Variants in ADAMTSL1 observed in about 807,000 individuals in gnomAD.
The protein encoded by ADAMTSL1 is ADAMTS-like protein 1.
In ADAMTSL1, 126 loss-of-function variants were observed where a neutral mutation model predicts 201.8. The observed-to-expected ratio is 0.62, with a 90% confidence interval of 0.54 to 0.72. The LOEUF (loss-of-function observed/expected upper bound fraction) is 0.72. Ranked by LOEUF, ADAMTSL1 falls within the 30% of genes least tolerant of loss-of-function variation. The pLI, the probability that ADAMTSL1 is intolerant of heterozygous loss-of-function variation, is 0.00. For missense variants in ADAMTSL1, 2,679 were observed against 2,277.8 expected (o/e 1.18, Z -3.59); for synonymous variants, 1,121 against 903.4 (o/e 1.24, Z -4.32).
At chr9:17,912,113 CT>C (rs1825915602) in intron 1 of ADAMTSL1, among the ~76,000 whole-genome samples, 1 of 50,274 alleles carries the variant, frequency 2.0e-5, no homozygotes, top group Non-Finnish European at 6.6e-5. Context: ...GGTTCCAAGT[CT>C]TTGCTGTTGT....
chr9:18,710,669 TTG>T lies in ADAMTSL1; in HGVS notation c.1876+3623_1876+3624del, dbSNP rs764345143. Among the ~76,000 whole-genome samples, 240 of 143,514 alleles carry T rather than the reference TTG, an allele frequency of 1.7e-3. 26 individuals are homozygous for T. The highest frequency in any genetic ancestry group is 3.6e-3 in the Middle Eastern group (1 of 278). 94.2% of individuals were successfully genotyped at this position (143,514 alleles called of 152,430 possible). A position where few individuals can be genotyped will look rare whatever the true frequency, so the allele number is the denominator to read the frequency against. On this transcript the variant is annotated intron_variant, in intron 14 of 28. Coordinates refer to ENST00000380548, the MANE Select transcript of ADAMTSL1 (RefSeq NM_001040272.6). ...GTCTTAGAAGGGCCTAAGTTTTGTT[TTG>T]TTTTTTTTTTTTTTTTTTTACAAAA...
At chr9:18,328,642 A>G (rs1176140916) in intron 2 of ADAMTSL1, among the ~76,000 whole-genome samples, 1 of 152,222 alleles carries the variant, frequency 6.6e-6, no homozygotes, top group Non-Finnish European at 1.5e-5. Flanking sequence ...GCCTTAATCC[A>G]TACACTGTGC....
At chr9:18,793,488 C>T (rs1822180205) in intron 19 of ADAMTSL1, among the ~76,000 whole-genome samples, 2 of 152,130 alleles carry the variant, frequency 1.3e-5, no homozygotes, top group South Asian at 4.2e-4. Context: ...TTAATCTTAC[C>T]ACAGAGTCTT....
At chr9:18,283,667 C>T (rs1244127342) in intron 2 of ADAMTSL1, among the ~76,000 whole-genome samples, 2 of 144,016 alleles carry the variant, frequency 1.4e-5, no homozygotes, top group African/African-American at 5.2e-5. Flanking sequence ...AATCCTAGCA[C>T]TTTGGGAGAC....
In ADAMTSL1 at chr9:18,486,511, C is replaced by T. The variant is rs12344921; in HGVS notation, c.63+12216C>T. 5.3e-3 allele frequency among the ~76,000 whole-genome samples: 811 copies of T among 152,254 alleles called. 9 individuals are homozygous for T. Among genetic ancestry groups the T allele is most frequent in the African/African-American group, 0.019 (788 of 41,550 alleles). The stretch of plus-strand genomic sequence containing the variant: ...TTGAGCCCAGGAGTTCAAGACCAAC[C>T]TGGGCAACATGGCAAAACCTCATCT... On this transcript the variant is annotated intron_variant, in intron 1 of 28. Coordinates refer to ENST00000380548, the MANE Select transcript of ADAMTSL1 (RefSeq NM_001040272.6).
At chr9:18,339,828 G>A (rs904519436) in intron 2 of ADAMTSL1, among the ~76,000 whole-genome samples, 2 of 152,002 alleles carry the variant, frequency 1.3e-5, no homozygotes, top group African/African-American at 2.4e-5. Context: ...TTGTCTCATT[G>A]TTTAAAGAAA....
At chr9:18,832,494 A>G (rs1825050776) in intron 23 of ADAMTSL1, among the ~76,000 whole-genome samples, 1 of 152,220 alleles carries the variant, frequency 6.6e-6, no homozygotes, top group Non-Finnish European at 1.5e-5. Flanking sequence ...ACTAAAAGTA[A>G]TGTATGAGAA....
At chr9:18,574,595 T>TTGTGTGTGTG (rs10650608) in intron 4 of ADAMTSL1, 12,039 of 339,600 alleles carry the variant, frequency 0.035, 188 homozygotes, top group African/African-American at 0.049. Context: ...GTGTTTGTGT[T>TTGTGTGTGTG]TGTGTGTGTG....
rs115446231 is a variant in ADAMTSL1, at chr9:18,781,420, C to G, written c.3677+3514C>G. Among the ~76,000 whole-genome samples, 1,101 of 152,310 alleles carry G rather than the reference C, an allele frequency of 7.2e-3. 11 individuals carry two copies. Among genetic ancestry groups the G allele is most frequent in the African/African-American group, 0.025 (1,057 of 41,558 alleles). ...AGACATTTCCCTTTCTGACCTTTGA[C>G]ATCACAATTTTTCCATTTTTGTTGG... On this transcript the variant is annotated intron_variant, in intron 19 of 28. Transcript: ENST00000380548.
intron 1 of ADAMTSL1, among the ~76,000 whole-genome samples, chr9:17,956,395 G>C (rs776405872): frequency 6.6e-6 from 1 of 152,068 alleles, no homozygotes; most frequent in Non-Finnish European, 1.5e-5. Context: ...TAAGAAAGTC[G>C]GCAATATTGT....
intron 1 of ADAMTSL1, among the ~76,000 whole-genome samples, chr9:18,092,344 A>AC (rs1824060845): frequency 1.3e-5 from 2 of 152,198 alleles, no homozygotes; most frequent in Admixed American, 1.3e-4. Flanking sequence ...AAAGGAAGTG[A>AC]CATTTTTATT....
chr9:18,330,739 T>C (rs937181100), intron 2 of ADAMTSL1, among the ~76,000 whole-genome samples: 1 of 152,186 alleles, frequency 6.6e-6, no homozygotes, highest in Non-Finnish European at 1.5e-5. Context: ...TAGACAAATA[T>C]GAGTTATAAA....
intron 4 of ADAMTSL1, among the ~76,000 whole-genome samples, chr9:18,606,318 CTGAGAAACTGCCCTT>C (rs1825010514): frequency 6.6e-6 from 1 of 152,104 alleles, no homozygotes; most frequent in African/African-American, 2.4e-5. Context: ...TTTTTGTTTC[CTGAGAAACTGCCCTT>C]TGGGAATATC....
chr9:18,415,829 G>A (rs1300568746), intron 2 of ADAMTSL1, among the ~76,000 whole-genome samples: 12 of 151,940 alleles, frequency 7.9e-5, no homozygotes, highest in African/African-American at 2.4e-4. Flanking sequence ...ATATAGAGAA[G>A]CAAAGTTAAA....
intron 2 of ADAMTSL1, among the ~76,000 whole-genome samples, chr9:18,221,179 C>T (rs1433128659): frequency 6.6e-6 from 1 of 152,140 alleles, no homozygotes; most frequent in African/African-American, 2.4e-5. Context: ...ATTTCAATCA[C>T]CTCACTGTTT....
At chr9:18,623,939 G>T (rs1826195210) in intron 5 of ADAMTSL1, among the ~76,000 whole-genome samples, 1 of 152,296 alleles carries the variant, frequency 6.6e-6, no homozygotes, top group East Asian at 1.9e-4. Flanking sequence ...TGGAGAGTTT[G>T]TTGCTTTAAA....
intron 2 of ADAMTSL1, among the ~76,000 whole-genome samples, chr9:18,267,348 T>C (rs370757716): frequency 5.3e-5 from 8 of 152,150 alleles, no homozygotes; most frequent in African/African-American, 1.7e-4. Context: ...TTATCTTTTA[T>C]AGTTCTTACA....
Position 18,681,892 on chromosome 9 carries a change from T to C in ADAMTSL1, c.1422T>C (p.Cys474=), listed in dbSNP as rs1420041271. 5 of 1,614,124 alleles carry C rather than the reference T, an allele frequency of 3.1e-6. No individual in the cohort carries two copies. The highest frequency in any genetic ancestry group is 1.6e-4 in the Middle Eastern group (1 of 6,062). The change falls in exon 12 of 29, where the codon TGT becomes TGC. Residue 474 remains cysteine (C), a synonymous_variant. Coordinates refer to ENST00000380548, the MANE Select transcript of ADAMTSL1 (RefSeq NM_001040272.6). ...IDHRGMHTGG[C]SPKTKPHIKE... is the part of the protein sequence containing the mutation. Reference sequence around the variant, plus strand: ...ATCGAGGAATGCACACAGGAGGCTGTAGCCCAAAAACAAAGCCCCACATAA... The same window carrying C: ...ATCGAGGAATGCACACAGGAGGCTGCAGCCCAAAAACAAAGCCCCACATAA...
chr9:18,133,320 C>G (rs1175168821), intron 1 of ADAMTSL1, among the ~76,000 whole-genome samples: 1 of 152,146 alleles, frequency 6.6e-6, no homozygotes. Flanking sequence ...CAGTTTTGCT[C>G]TGACTCCAGA....
Sources: gnomAD v4.1 joint callset for allele counts (sites outside exome capture counted in the v4.1 genomes callset) on GRCh38, gnomAD v4.1.1 for gene constraint, MANE v1.5 for transcripts, NCBI Gene and HGNC (gene_info 2026-07-23, HGNC 2026-07-21) for gene names.